KRI1: variants seen among roughly 807,000 people sequenced by gnomAD.
The protein encoded by KRI1 is protein KRI1 homolog.
In KRI1, 83 loss-of-function variants were observed where a neutral mutation model predicts 97.0. The observed-to-expected ratio is 0.86, with a 90% CI of 0.72 to 1.03. KRI1 has a LOEUF of 1.03. Ranked by LOEUF, KRI1 falls within the 50% of genes least tolerant of loss-of-function variation. KRI1 has a pLI of 0.00. For synonymous variants in KRI1, 371 were observed against 363.5 expected (o/e 1.02, Z -0.23); for missense variants, 916 against 928.4 (o/e 0.99, Z 0.17).
rs754601709 is a variant in KRI1 at position 10,557,669 on chromosome 19, G to A, written c.1500C>T (p.Phe500=). Reference sequence around the variant, plus strand: ...GGTAATACTCATCCAGGTACTCCTCGAACGTCTTGTCCCCTGCTCGAGACA... The same window carrying A: ...GGTAATACTCATCCAGGTACTCCTCAAACGTCTTGTCCCCTGCTCGAGACA... ...KPVFEPGDKT[F]EEYLDEYYRL... Residue 500 remains phenylalanine (F), a synonymous_variant, in exon 16 of 19, where the codon TTC becomes TTT. Transcript: ENST00000312962. 3.8e-5 allele frequency: 61 copies of A among 1,614,056 alleles called. No homozygotes were observed. The highest frequency in any genetic ancestry group is 4.7e-5 in the Non-Finnish European group (55 of 1,180,026).
chr19:10,558,224 C>T lies in KRI1; in HGVS notation c.1210G>A (p.Glu404Lys), dbSNP rs371694672. The T allele has an allele frequency of 6.8e-6, 11 of 1,613,988 alleles. No homozygotes were observed. The highest frequency in any genetic ancestry group is 2.7e-5 in the African/African-American group (2 of 74,908). Residue 404 changes from glutamate to lysine, a missense_variant, in exon 13 of 19, where the codon GAG becomes AAG. Coordinates refer to ENST00000312962, the MANE Select transcript of KRI1 (RefSeq NM_023008.5). The stretch of plus-strand genomic sequence containing the variant: ...TCCTCCTCCACGGCCCCGTAGTACT[C>T]GTCCCCAAAGCACTTCTGCAGGGTC... ...DQLMQKCFGD[E>K]YYGAVEEEKP...
chr19:10,558,636 G>A (rs1004388736), intron 12 of KRI1, among the ~76,000 whole-genome samples: 4 of 151,898 alleles, frequency 2.6e-5, no homozygotes, highest in South Asian at 2.1e-4. Context: ...CTTGCCTCCC[G>A]GTTTCAAGCG....
chr19:10,553,177 C>A lies in KRI1; in HGVS notation c.*774G>T. 2 of 1,340,870 alleles carry A rather than the reference C, an allele frequency of 1.5e-6. No homozygotes were observed. Among genetic ancestry groups the A allele is most frequent in the South Asian group, 1.5e-5 (1 of 68,522 alleles). The allele number at this position is 1,340,870 out of a possible 1,614,324, so 83.1% of individuals were successfully genotyped here. A position where few individuals can be genotyped will look rare whatever the true frequency, so the allele number is the denominator to read the frequency against. ...GATGATGGTACTTCCTGTTGTCAGCCCCTCAAGCCCAGCTGCAACCAGTCT... is the reference window on the plus strand; with the variant it reads ...GATGATGGTACTTCCTGTTGTCAGCACCTCAAGCCCAGCTGCAACCAGTCT... On this transcript the variant is annotated 3_prime_UTR_variant, in exon 19 of 19. Transcript: ENST00000312962.
chr19:10,562,701 G>C lies in KRI1; in HGVS notation c.383+28C>G, dbSNP rs574500122. On this transcript the variant is annotated intron_variant, in intron 4 of 18. Coordinates refer to ENST00000312962, the MANE Select transcript of KRI1 (RefSeq NM_023008.5). The stretch of plus-strand genomic sequence containing the variant: ...TAGACCTGACAGGGCTGGGAACCAG[G>C]GGGTGGGGATGTAGGCCTTCTCCAT... 24 of 1,296,220 alleles carry C rather than the reference G, an allele frequency of 1.9e-5. No individual in the cohort carries two copies. The South Asian group carries it at 2.6e-4, about 14-fold the overall frequency. 80.3% of individuals were successfully genotyped at this position (1,296,220 alleles called of 1,614,324 possible). A position where few individuals can be genotyped will look rare whatever the true frequency, so the allele number is the denominator to read the frequency against.
In KRI1 at chr19:10,553,319, C is replaced by G. The variant is rs1039712798; in HGVS notation, c.*632G>C. On this transcript the variant is annotated 3_prime_UTR_variant, in exon 19 of 19. Coordinates refer to ENST00000312962, the MANE Select transcript of KRI1 (RefSeq NM_023008.5). ...CGGGCACCCCCCTCAGGGCCTGACT[C>G]ACGTACTGTAGTTTGCACTGGACGC... 5.1e-5 allele frequency: 25 copies of G among 486,856 alleles called. No individual in the cohort carries two copies. Among genetic ancestry groups the G allele is most frequent in the Non-Finnish European group, 7.7e-5 (21 of 272,382 alleles). 30.2% of individuals were successfully genotyped at this position (486,856 alleles called of 1,614,324 possible).
intron 18 of KRI1, 110 bp downstream of exon 18, chr19:10,554,977 C>A: frequency 2.4e-6 from 2 of 832,484 alleles, no homozygotes; most frequent in South Asian, 1.7e-5. Context: ...GGTCTCAGAG[C>A]GGGGGGCGCT....
At position 10,561,705 on chromosome 19, in the gene KRI1, C is replaced by G. The variant is rs376697044; in HGVS notation, c.450G>C (p.Ser150=). 9.9e-6 allele frequency: 16 copies of G among 1,614,072 alleles called. No homozygotes were observed. The highest frequency in any genetic ancestry group is 1.3e-5 in the Non-Finnish European group (15 of 1,180,018). ...GTTTCTGTTCCTCCACATAACTTTG[C>G]GACGATGTCTCCTGCAGAGAGGGCC... ...TSNHRLQETS[S]QSYVEEQKQL... is the part of the protein sequence containing the mutation. The change falls in exon 6 of 19, where the codon TCG becomes TCC. Residue 150 remains serine (S), a synonymous_variant. Transcript: ENST00000312962.
In KRI1 at chr19:10,560,302, A is replaced by G. The variant is rs752167014; in HGVS notation, c.800+10T>C. 4.8e-5 allele frequency: 77 copies of G among 1,597,082 alleles called. 1 individual carries two copies. Among genetic ancestry groups the G allele is most frequent in the South Asian group, 1.4e-4 (12 of 88,684 alleles). On this transcript the variant is annotated intron_variant, in intron 9 of 18. Coordinates refer to ENST00000312962, the MANE Select transcript of KRI1 (RefSeq NM_023008.5). Reference sequence around the variant, plus strand: ...CAAAATCTAGGTCCTGGGGAGATGCAGTGGCTCACCCCTCCTCTTCCTCCA... The same window carrying G: ...CAAAATCTAGGTCCTGGGGAGATGCGGTGGCTCACCCCTCCTCTTCCTCCA...
intron 2 of KRI1, chr19:10,565,441 A>G: frequency 1.9e-6 from 1 of 533,098 alleles, no homozygotes; most frequent in Non-Finnish European, 3.3e-6. Context: ...ACTCTTGAGG[A>G]TGAAAGAGGA....
chr19:10,554,960 G>C, intron 18 of KRI1, 127 bp downstream of exon 18: 2 of 715,206 alleles, frequency 2.8e-6, no homozygotes, highest in Non-Finnish European at 4.6e-6. Context: ...TATAGGATTC[G>C]AACCCAGGTC....
At chr19:10,556,924 GC>G (rs1207989914) in intron 16 of KRI1, among the ~76,000 whole-genome samples, 16 of 151,822 alleles carry the variant, frequency 1.1e-4, no homozygotes, top group Non-Finnish European at 1.6e-4. Flanking sequence ...GATCAATTGA[GC>G]CCAGGAGGTT....
At chr19:10,560,037 T>C (rs1916645294) in intron 9 of KRI1, 101 bp from the exon 10 acceptor site, 2 of 1,414,770 alleles carry the variant, frequency 1.4e-6, no homozygotes, top group Non-Finnish European at 1.9e-6. Context: ...CATTTAATCC[T>C]CACAAGAACC....
At position 10,553,401 on chromosome 19, in the gene KRI1, T is replaced by A. The variant is rs1407775894; in HGVS notation, c.*550A>T. 1 of 253,526 alleles carries A rather than the reference T, an allele frequency of 3.9e-6. No homozygotes were observed. The highest frequency in any genetic ancestry group is 2.2e-5 in the African/African-American group (1 of 45,652). 15.7% of individuals were successfully genotyped at this position (253,526 alleles called of 1,614,324 possible). On this transcript the variant is annotated 3_prime_UTR_variant, in exon 19 of 19. Coordinates refer to ENST00000312962, the MANE Select transcript of KRI1 (RefSeq NM_023008.5). ...GGGAACTGTGGCTGCTGGGGGCCAA[T>A]AAAGCTGTGTAACTTGATCGTGGGT...
rs59111465 is a variant in KRI1, at chr19:10,565,152, G to A, written c.169-118C>T. On this transcript the variant is annotated intron_variant, in intron 2 of 18. Transcript: ENST00000312962. ...GAGGGGGGTGGATCTGGCTGGGGAG[G>A]TCAAACAGGTGGTCAAACAGCAGGA... 4.2e-3 allele frequency: 3,024 copies of A among 716,500 alleles called. 56 individuals are homozygous for A. The African/African-American group carries it at 0.047, about 11-fold the overall frequency. The allele number at this position is 716,500 out of a possible 1,614,324, so 44.4% of individuals were successfully genotyped here. A position where few individuals can be genotyped will look rare whatever the true frequency, so the allele number is the denominator to read the frequency against.
Position 10,553,968 on chromosome 19 carries a change from G to C in KRI1, c.2095C>G (p.Pro699Ala). Residue 699 changes from proline to alanine, a missense_variant, in exon 19 of 19, where the codon CCC (proline) becomes GCC (alanine). This residue lies in a region of KRI1 where 672 missense variants were observed against 667.2 expected (regional missense o/e 1.01). Coordinates refer to ENST00000312962, the MANE Select transcript of KRI1 (RefSeq NM_023008.5). ...CCTGGTGCTCAGGAGCTGTTCTTGG[G>C]CCCCTGTTGTTTCCTCCGCTGCCGG... ...LGRQRRKQQG[P>A]KNSS is the part of the protein sequence containing the mutation. 1 of 1,606,396 alleles carries C rather than the reference G, an allele frequency of 6.2e-7. No individual in the cohort carries two copies. The highest frequency in any genetic ancestry group is 8.5e-7 in the Non-Finnish European group (1 of 1,175,872).
chr19:10,558,699 C>G (rs752367685), intron 12 of KRI1, among the ~76,000 whole-genome samples: 3 of 151,978 alleles, frequency 2.0e-5, no homozygotes, highest in African/African-American at 7.3e-5. Flanking sequence ...TGTGCCACCA[C>G]GCCCGGCTAA....
rs922666580 is a variant in KRI1 at position 10,565,226 on chromosome 19, C to G, written c.169-192G>C. Reference sequence around the variant, plus strand: ...GGCAGGGGCAGGCCACAGGTAGGTACAGGATATGGGTAGAGGAAGGTGAGG... The same window carrying G: ...GGCAGGGGCAGGCCACAGGTAGGTAGAGGATATGGGTAGAGGAAGGTGAGG... On this transcript the variant is annotated intron_variant, in intron 2 of 18. Transcript: ENST00000312962. 2.9e-5 allele frequency: 18 copies of G among 615,960 alleles called. No individual in the cohort carries two copies. In the East Asian group the frequency reaches 5.0e-4, roughly 17 times the overall value. 38.2% of individuals were successfully genotyped at this position (615,960 alleles called of 1,614,324 possible). A position where few individuals can be genotyped will look rare whatever the true frequency, so the allele number is the denominator to read the frequency against.
Position 10,553,972 on chromosome 19 carries a change from C to T in KRI1, c.2091G>A (p.Gln697=). ...GTGCTCAGGAGCTGTTCTTGGGCCC[C>T]TGTTGTTTCCTCCGCTGCCGGCCCA... ...RQLGRQRRKQ[Q]GPKNSS is the part of the protein sequence containing the mutation. The change falls in exon 19 of 19, where the codon CAG becomes CAA. Residue 697 remains glutamine, a synonymous_variant. Coordinates refer to ENST00000312962, the MANE Select transcript of KRI1 (RefSeq NM_023008.5). The T allele has an allele frequency of 6.2e-7, 1 of 1,608,884 alleles. No homozygotes were observed. Among genetic ancestry groups the T allele is most frequent in the South Asian group, 1.1e-5 (1 of 90,486 alleles).
chr19:10,558,403 C>G (rs1053236325), intron 12 of KRI1, among the ~76,000 whole-genome samples, 164 bp from the exon 13 acceptor site: 5 of 152,124 alleles, frequency 3.3e-5, no homozygotes, highest in Non-Finnish European at 5.9e-5. Context: ...CCCTGCATGT[C>G]CAGGATCCTC....
Sources: allele counts gnomAD v4.1 joint callset (sites outside exome capture counted in the v4.1 genomes callset), GRCh38; gene constraint gnomAD v4.1.1; regional missense constraint gnomAD v4.1.1; transcripts MANE v1.5; gene names NCBI Gene and HGNC (gene_info 2026-07-23, HGNC 2026-07-21).